USP15: variants seen among roughly 807,000 people sequenced by gnomAD.
USP15 encodes ubiquitin carboxyl-terminal hydrolase 15.
USP15 carries 18 observed loss-of-function variants against 127.1 expected under a neutral mutation model. That is an observed-to-expected ratio of 0.14 (90% CI 0.10 to 0.21). USP15 has a LOEUF of 0.21. Ranked by LOEUF, USP15 falls within the 10% of genes least tolerant of loss-of-function variation. The probability of loss-of-function intolerance (pLI) is 1.00; values close to 1 mark genes in which losing one functional copy is unlikely to be tolerated. For synonymous variants in USP15, 364 were observed against 393.7 expected, an observed-to-expected ratio of 0.92 and a Z score of 0.89; for missense variants, 805 against 1,159.9, an observed-to-expected ratio of 0.69 and a Z score of 4.44.
intron 1 of USP15, among the ~76,000 whole-genome samples, chr12:62,293,956 T>C (rs2064053157): frequency 1.3e-5 from 2 of 152,204 alleles, no homozygotes; most frequent in Non-Finnish European, 2.9e-5. Flanking sequence ...TATTTTTATG[T>C]CAGTATTTGT....
intron 4 of USP15, among the ~76,000 whole-genome samples, chr12:62,321,116 T>C (rs1266270243): frequency 6.6e-6 from 1 of 152,172 alleles, no homozygotes; most frequent in Non-Finnish European, 1.5e-5. Context: ...AATCATACTT[T>C]AATTTCTAAT....
intron 6 of USP15, chr12:62,336,608 A>G: frequency 3.6e-6 from 2 of 551,408 alleles, no homozygotes; most frequent in Non-Finnish European, 4.6e-6. Context: ...TTAAAATAAC[A>G]GTACAAAACC....
In USP15 at chr12:62,383,836, A is replaced by G. The variant is rs376748010; in HGVS notation, c.1090-4A>G. ...CTGATTTGATGGTTTTGCATTTCTT[A>G]CAGACACAGGTAGGACGTTTTGCAC... On this transcript the variant is annotated splice_region_variant and splice_polypyrimidine_tract_variant and intron_variant, in intron 9 of 21. Coordinates refer to ENST00000280377, the MANE Select transcript of USP15 (RefSeq NM_001252078.2). 25 of 1,609,662 alleles carry G rather than the reference A, an allele frequency of 1.6e-5. No homozygotes were observed. The highest frequency in any genetic ancestry group is 2.2e-5 in the East Asian group (1 of 44,832).
intron 3 of USP15, among the ~76,000 whole-genome samples, chr12:62,304,332 C>T (rs1291846355): frequency 2.6e-5 from 4 of 152,136 alleles, no homozygotes; most frequent in African/African-American, 9.7e-5. Flanking sequence ...TATATTCAAC[C>T]TGTAAAATAG....
intron 6 of USP15, chr12:62,335,528 TTTA>T: frequency 8.9e-7 from 1 of 1,118,396 alleles, no homozygotes; most frequent in Non-Finnish European, 1.1e-6. Context: ...TGCTTTTTCT[TTTA>T]TTATCTCCTC....
At position 62,374,882 on chromosome 12, in the gene USP15, A is replaced by T. The variant is rs2066776289; in HGVS notation, c.916-6608A>T. Among the ~76,000 whole-genome samples the T allele has an allele frequency of 2.6e-5, 4 of 152,246 alleles. No homozygotes were observed. In the South Asian group the frequency reaches 8.3e-4, roughly 32 times the overall value. On this transcript the variant is annotated intron_variant, in intron 8 of 21. Transcript: ENST00000280377. Reference sequence around the variant, plus strand: ...ATTGCATCTTTCCAAGTAATTACATAACAAAAGAAAATCATATTTTGCATA... The same window carrying T: ...ATTGCATCTTTCCAAGTAATTACATTACAAAAGAAAATCATATTTTGCATA...
In USP15 at chr12:62,260,441, G is replaced by A. The variant is rs1183196623; in HGVS notation, c.27G>A (p.Leu9=). The part of the protein sequence containing the change: MAEGGAAD[L]DTQRSDIATL... ...TGGCGGAAGGCGGAGCGGCGGATCT[G>A]GACACCCAGCGGTCTGACATCGCGA... The change falls in exon 1 of 22, where the codon CTG becomes CTA. Residue 9 remains leucine (L), a synonymous_variant. Transcript: ENST00000280377. The A allele has an allele frequency of 2.6e-6, 4 of 1,551,798 alleles. No individual in the cohort carries two copies. The African/African-American group carries it at 4.1e-5, about 16-fold the overall frequency.
In USP15 at chr12:62,413,671, C is replaced by T. The variant is rs1260767490; in HGVS notation, c.*9296C>T. Reference sequence around the variant, plus strand: ...ATTGAAGAGAGAGGGCCTTGCTCTGCGTTAGGCTTTGGCTTAAGATAGTGT... The same window carrying T: ...ATTGAAGAGAGAGGGCCTTGCTCTGTGTTAGGCTTTGGCTTAAGATAGTGT... On this transcript the variant is annotated 3_prime_UTR_variant, in exon 22 of 22. Coordinates refer to ENST00000280377, the MANE Select transcript of USP15 (RefSeq NM_001252078.2). The T allele has an allele frequency of 3.3e-5, 5 of 151,698 alleles. No individual in the cohort carries two copies. The highest frequency in any genetic ancestry group is 2.1e-4 in the South Asian group (1 of 4,802). 9.4% of individuals were successfully genotyped at this position (151,698 alleles called of 1,614,324 possible). A position where few individuals can be genotyped will look rare whatever the true frequency, so the allele number is the denominator to read the frequency against.
In USP15 at chr12:62,389,911, T is replaced by C; in HGVS notation, c.1767T>C (p.Phe589=). 1 of 1,613,914 alleles carries C rather than the reference T, an allele frequency of 6.2e-7. No individual in the cohort carries two copies. The highest frequency in any genetic ancestry group is 1.3e-5 in the African/African-American group (1 of 75,042). Residue 589 remains phenylalanine (F), a synonymous_variant, in exon 14 of 22, where the codon TTT becomes TTC. Transcript: ENST00000280377. The part of the protein sequence containing the change: ...SYTHHTGSSL[F]GQPFLMAVPR... ...CCCACCATACTGGTTCTTCACTTTT[T>C]GGTCAGCCCTTTCTTATGGCTGTAC... is the stretch of plus-strand genomic sequence containing the variant.
At chr12:62,375,084 G>C (rs1050699891) in intron 8 of USP15, among the ~76,000 whole-genome samples, 1 of 152,010 alleles carries the variant, frequency 6.6e-6, no homozygotes, top group Non-Finnish European at 1.5e-5. Flanking sequence ...GTGTCCATTG[G>C]ATGAGACATT....
intron 16 of USP15, 97 bp downstream of exon 16, chr12:62,391,526 A>G: frequency 6.9e-7 from 1 of 1,447,418 alleles, no homozygotes; most frequent in Non-Finnish European, 9.3e-7. Context: ...GTCAAGAAAT[A>G]TACCATTTAC....
rs1429192836 is a variant in USP15 at position 62,406,337 on chromosome 12, G to T, written c.*1962G>T. 1 of 152,096 alleles carries T rather than the reference G, an allele frequency of 6.6e-6. No individual in the cohort carries two copies. Among genetic ancestry groups the T allele is most frequent in the Non-Finnish European group, 1.5e-5 (1 of 68,010 alleles). The allele number at this position is 152,096 out of a possible 1,614,324, so 9.4% of individuals were successfully genotyped here. ...ATATGTTTGTGTACCAATCACTGTTGTAGAGTCTGGAGATACAGCAGTAAA... is the reference window on the plus strand; with the variant it reads ...ATATGTTTGTGTACCAATCACTGTTTTAGAGTCTGGAGATACAGCAGTAAA... On this transcript the variant is annotated 3_prime_UTR_variant, in exon 22 of 22. Coordinates refer to ENST00000280377, the MANE Select transcript of USP15 (RefSeq NM_001252078.2).
chr12:62,325,943 C>G lies in USP15; in HGVS notation c.683+10C>G, dbSNP rs776470244. ...GTCCTTCTACTCCTAAGTAAGTGCT[C>G]CCACTTCTTATGGCTTATTGTATGA... On this transcript the variant is annotated intron_variant, in intron 6 of 21. Coordinates refer to ENST00000280377, the MANE Select transcript of USP15 (RefSeq NM_001252078.2). 6.8e-6 allele frequency: 11 copies of G among 1,606,166 alleles called. No individual in the cohort carries two copies. The highest frequency in any genetic ancestry group is 6.8e-5 in the Admixed American group (4 of 58,966).
At position 62,300,841 on chromosome 12, in the gene USP15, G is replaced by T. The variant is rs2064293648; in HGVS notation, c.218-1949G>T. Among the ~76,000 whole-genome samples, 4 of 152,046 alleles carry T rather than the reference G, an allele frequency of 2.6e-5. No homozygotes were observed. In the South Asian group the frequency reaches 8.3e-4, roughly 32 times the overall value. ...TGTTGTATTAGCCAAAGTTTTCTTGGATATGATTCAAAAGCAAGGTTGCTA... is the reference window on the plus strand; with the variant it reads ...TGTTGTATTAGCCAAAGTTTTCTTGTATATGATTCAAAAGCAAGGTTGCTA... On this transcript the variant is annotated intron_variant, in intron 2 of 21. Coordinates refer to ENST00000280377, the MANE Select transcript of USP15 (RefSeq NM_001252078.2).
At chr12:62,282,257 G>A (rs1424875620) in intron 1 of USP15, among the ~76,000 whole-genome samples, 1 of 152,088 alleles carries the variant, frequency 6.6e-6, no homozygotes, top group Non-Finnish European at 1.5e-5. Flanking sequence ...GAGCCAGGGA[G>A]GTTGAGACTA....
At position 62,393,040 on chromosome 12, in the gene USP15, T is replaced by G. The variant is rs781742045; in HGVS notation, c.2421-13T>G. ...ACCTCTATCAAGTGTTAAATACTTC[T>G]GTTTATTCTTAGGTATTGTCCGAAT... On this transcript the variant is annotated splice_polypyrimidine_tract_variant and intron_variant, in intron 18 of 21. Coordinates refer to ENST00000280377, the MANE Select transcript of USP15 (RefSeq NM_001252078.2). 13 of 1,612,512 alleles carry G rather than the reference T, an allele frequency of 8.1e-6. 1 individual carries two copies. The Middle Eastern group carries it at 1.7e-3, about 205-fold the overall frequency.
chr12:62,288,754 G>A (rs946713070), intron 1 of USP15, among the ~76,000 whole-genome samples: 1 of 152,032 alleles, frequency 6.6e-6, no homozygotes, highest in Admixed American at 6.6e-5. Context: ...TTATTATTTT[G>A]AGATATGTTC....
chr12:62,323,581 G>A (rs574416954), intron 5 of USP15, among the ~76,000 whole-genome samples: 5 of 152,248 alleles, frequency 3.3e-5, no homozygotes, highest in Non-Finnish European at 7.4e-5. Flanking sequence ...GTGGACCTTG[G>A]AAATCCACTG....
At chr12:62,299,010 T>C (rs1315135140) in intron 2 of USP15, among the ~76,000 whole-genome samples, 1 of 152,066 alleles carries the variant, frequency 6.6e-6, no homozygotes, top group East Asian at 1.9e-4. Flanking sequence ...TCACACCCTA[T>C]CCCTTCTTTG....
Sources: gnomAD v4.1 joint callset for allele counts (sites outside exome capture counted in the v4.1 genomes callset) on GRCh38, gnomAD v4.1.1 for gene constraint, MANE v1.5 for transcripts, NCBI Gene and HGNC (gene_info 2026-07-23, HGNC 2026-07-21) for gene names.